PAK5: variants seen among roughly 807,000 people sequenced by gnomAD.
PAK5 encodes the protein serine/threonine-protein kinase PAK 5.
A neutral mutation model predicts 65.9 loss-of-function variants in PAK5; 16 were observed. The ratio of observed to expected loss-of-function variants is 0.24; its 90% CI spans 0.16 to 0.37. PAK5 has a LOEUF of 0.37. Ranked by LOEUF, PAK5 falls within the 10% of genes least tolerant of loss-of-function variation. The probability of loss-of-function intolerance (pLI) is 1.00; values close to 1 mark genes in which losing one functional copy is unlikely to be tolerated. For synonymous variants in PAK5, 371 were observed against 354.9 expected (o/e 1.05, Z -0.51); for missense variants, 785 against 903.9 (o/e 0.87, Z 1.69).
At chr20:9,736,204 A>G (rs1416390040) in intron 1 of PAK5, among the ~76,000 whole-genome samples, 2 of 152,032 alleles carry the variant, frequency 1.3e-5, no homozygotes, top group Admixed American at 6.6e-5. Flanking sequence ...CCAGGCCAAT[A>G]GAAACAATTT....
At chr20:9,685,177 G>C (rs2047701481) in intron 2 of PAK5, among the ~76,000 whole-genome samples, 1 of 151,968 alleles carries the variant, frequency 6.6e-6, no homozygotes, top group Admixed American at 6.6e-5. Context: ...TTTCTAACTG[G>C]GTAAACCTTA....
At chr20:9,708,909 G>C (rs1293946709) in intron 2 of PAK5, among the ~76,000 whole-genome samples, 1 of 140,632 alleles carries the variant, frequency 7.1e-6, no homozygotes, top group Non-Finnish European at 1.5e-5. Context: ...AAACAATAAG[G>C]CACCTTTTCT....
At chr20:9,630,007 C>A (rs183871330) in intron 3 of PAK5, among the ~76,000 whole-genome samples, 1 of 151,988 alleles carries the variant, frequency 6.6e-6, no homozygotes, top group East Asian at 1.9e-4. Flanking sequence ...AATAGTCTCC[C>A]GAGGTCGTGT....
chr20:9,749,522 A>T (rs2048549851), intron 1 of PAK5, among the ~76,000 whole-genome samples: 1 of 152,186 alleles, frequency 6.6e-6, no homozygotes, highest in African/African-American at 2.4e-5. Context: ...ACTCATGGAA[A>T]GCAGACGATA....
At chr20:9,633,767 G>A (rs2046951933) in intron 3 of PAK5, among the ~76,000 whole-genome samples, 1 of 152,186 alleles carries the variant, frequency 6.6e-6, no homozygotes, top group Admixed American at 6.5e-5. Context: ...TTCCTCCCAG[G>A]AGTTACAGTA....
intron 1 of PAK5, among the ~76,000 whole-genome samples, chr20:9,820,407 A>G (rs927976398): frequency 1.3e-5 from 2 of 152,148 alleles, no homozygotes; most frequent in African/African-American, 4.8e-5. Flanking sequence ...AGTTGTTTTT[A>G]CTCACTGTGT....
At chr20:9,542,500 A>T (rs2045281356) in intron 9 of PAK5, 86 bp downstream of exon 9, 3 of 1,280,502 alleles carry the variant, frequency 2.3e-6, no homozygotes, top group South Asian at 2.4e-5. Flanking sequence ...TTCCTGCTGG[A>T]TGTGGTAAGC....
intron 2 of PAK5, among the ~76,000 whole-genome samples, chr20:9,679,250 T>C (rs756250188): frequency 6.6e-6 from 1 of 152,182 alleles, no homozygotes; most frequent in Non-Finnish European, 1.5e-5. Flanking sequence ...CCATACAAAA[T>C]ATGTGTCATT....
At chr20:9,554,804 ACT>A (rs2045482286) in intron 7 of PAK5, among the ~76,000 whole-genome samples, 1 of 152,080 alleles carries the variant, frequency 6.6e-6, no homozygotes, top group Admixed American at 6.5e-5. Context: ...GAATGAGTAA[ACT>A]CTGGACAAAA....
chr20:9,751,297 C>T, intron 1 of PAK5, among the ~76,000 whole-genome samples: 1 of 152,096 alleles, frequency 6.6e-6, no homozygotes, highest in African/African-American at 2.4e-5. Context: ...TCAAATTCCT[C>T]CTCCATTTCT....
intron 2 of PAK5, among the ~76,000 whole-genome samples, chr20:9,659,111 A>G (rs16996222): frequency 0.056 from 8,496 of 152,206 alleles, 768 homozygotes; most frequent in African/African-American, 0.19. Context: ...CAAACTTCTC[A>G]GGTGATTGAA....
In PAK5 at chr20:9,580,639, C is replaced by T. The variant is rs1207485847; in HGVS notation, c.496G>A (p.Ala166Thr). 1.2e-6 allele frequency: 2 copies of T among 1,614,090 alleles called. No homozygotes were observed. The highest frequency in any genetic ancestry group is 2.2e-5 in the South Asian group (2 of 91,080). ...LDPYYRGSHA[A>T]KQNGHVMKMK... ...TTCATTACGTGCCCATTTTGCTTGG[C>T]TGCGTGGCTGCCTCTATAATACGGA... Residue 166 changes from alanine (A) to threonine (T), a missense_variant, in exon 4 of 10, where the codon GCC (alanine) becomes ACC (threonine). By Grantham distance (58) the Ala-to-Thr change is moderately conservative. Coordinates refer to ENST00000353224, the MANE Select transcript of PAK5 (RefSeq NM_177990.4).
chr20:9,758,548 G>T (rs2048661776), intron 1 of PAK5, among the ~76,000 whole-genome samples: 1 of 152,164 alleles, frequency 6.6e-6, no homozygotes, highest in South Asian at 2.1e-4. Flanking sequence ...AGCTCGCATA[G>T]AACAGTGATA....
rs1234148699 is a variant in PAK5, at chr20:9,580,777, C to T, written c.358G>A (p.Ala120Thr). ...QGASSHGPGHAEENGFITFSQ... is the reference protein window; with the variant it reads ...QGASSHGPGHTEENGFITFSQ... ...AAGGTGATGAAGCCATTTTCTTCCG[C>T]GTGGCCTGGACCGTGGCTGGAGGCT... Residue 120 changes from alanine to threonine, a missense_variant, in exon 4 of 10, where the codon GCG becomes ACG. By Grantham distance (58) the Ala-to-Thr change is moderately conservative. This residue lies in a region of PAK5 where 422 missense variants were observed against 413.3 expected (regional missense o/e 1.02). Transcript: ENST00000353224. 6.2e-7 allele frequency: 1 copy of T among 1,613,946 alleles called. No individual in the cohort carries two copies. Among genetic ancestry groups the T allele is most frequent in the South Asian group, 1.1e-5 (1 of 91,064 alleles).
chr20:9,831,033 C>G (rs567736960), intron 1 of PAK5, among the ~76,000 whole-genome samples: 3 of 152,342 alleles, frequency 2.0e-5, no homozygotes, highest in East Asian at 3.9e-4. Context: ...AGGCACCCCC[C>G]CTCCTATCCC....
intron 1 of PAK5, among the ~76,000 whole-genome samples, chr20:9,719,853 T>G: frequency 6.6e-6 from 1 of 152,222 alleles, no homozygotes; most frequent in East Asian, 1.9e-4. Context: ...GTGTGAGAAC[T>G]TTAGATACTG....
intron 3 of PAK5, among the ~76,000 whole-genome samples, chr20:9,592,852 G>A (rs2046196353): frequency 6.6e-6 from 1 of 152,196 alleles, no homozygotes; most frequent in Admixed American, 6.5e-5. Context: ...AAGGGAGAGA[G>A]AACAGGTGTT....
intron 1 of PAK5, among the ~76,000 whole-genome samples, chr20:9,820,504 T>C (rs1248833633): frequency 6.6e-6 from 1 of 152,222 alleles, no homozygotes; most frequent in East Asian, 1.9e-4. Context: ...TTAAAGGAGA[T>C]GTAAGTCTCA....
At position 9,771,582 on chromosome 20, in the gene PAK5, A is replaced by ATT. The variant is rs545140358; in HGVS notation, c.-161-60149_-161-60148dup. The stretch of plus-strand genomic sequence containing the variant: ...GCCACCACATTCAGTCAATTTTTTA[A>ATT]TTTTTTTTTTTTTTTTTTGTAGAAA... On this transcript the variant is annotated intron_variant, in intron 1 of 9. Coordinates refer to ENST00000353224, the MANE Select transcript of PAK5 (RefSeq NM_177990.4). Among the ~76,000 whole-genome samples the ATT allele has an allele frequency of 6.1e-4, 67 of 109,756 alleles. 1 individual carries two copies. Among genetic ancestry groups the ATT allele is most frequent in the Middle Eastern group, 4.7e-3 (1 of 214 alleles). 72.0% of individuals were successfully genotyped at this position (109,756 alleles called of 152,430 possible).
Sources: gnomAD v4.1 joint callset for allele counts (sites outside exome capture counted in the v4.1 genomes callset) on GRCh38, gnomAD v4.1.1 for gene constraint, gnomAD v4.1.1 regional missense constraint, MANE v1.5 for transcripts, NCBI Gene and HGNC (gene_info 2026-07-23, HGNC 2026-07-21) for gene names.